The following ZNF608 variants were observed in gnomAD, a reference collection of about 807,000 sequenced individuals.
The protein encoded by ZNF608 is zinc finger protein 608, also known as renal carcinoma antigen NY-REN-36.
ZNF608 carries 12 observed loss-of-function variants against 109.0 expected under a neutral mutation model. The ratio of observed to expected loss-of-function variants is 0.11; its 90% confidence interval spans 0.07 to 0.18. The LOEUF (loss-of-function observed/expected upper bound fraction) is 0.18. Ranked by LOEUF, ZNF608 falls within the 10% of genes least tolerant of loss-of-function variation. The pLI, the probability that ZNF608 is intolerant of heterozygous loss-of-function variation, is 1.00. For synonymous variants in ZNF608, 732 were observed against 717.4 expected, an observed-to-expected ratio of 1.02 and a Z score of -0.33; for missense variants, 1,707 against 1,879.3, an observed-to-expected ratio of 0.91 and a Z score of 1.70.
intron 2 of ZNF608, among the ~76,000 whole-genome samples, chr5:124,736,251 T>A (rs1418940420): frequency 1.3e-5 from 2 of 152,276 alleles, no homozygotes; most frequent in East Asian, 3.9e-4. Context: ...AAGCACAGAT[T>A]TGATAGCATT....
At chr5:124,728,473 C>CAGT (rs1283567243) in intron 2 of ZNF608, among the ~76,000 whole-genome samples, 1 of 152,178 alleles carries the variant, frequency 6.6e-6, no homozygotes. Context: ...CAGACATGTA[C>CAGT]AGTACTCACT....
intron 3 of ZNF608, among the ~76,000 whole-genome samples, chr5:124,687,183 CAGAA>C (rs1458862985): frequency 6.6e-6 from 1 of 152,026 alleles, no homozygotes. Context: ...ACTAGAAATC[CAGAA>C]AGAACATACT....
At position 124,744,380 on chromosome 5, in the gene ZNF608, C is replaced by G; in HGVS notation, c.610G>C (p.Asp204His). ...TTCCTGGATTTCCCCGCATCCTTAT[C>G]CCGCTTGGCGCCTCGGCTGCTCTGG... The part of the protein sequence containing the change: ...KSQSSRGAKR[D>H]KDAGKSRKDK... The change falls in exon 2 of 10, where the codon GAT (aspartate) becomes CAT (histidine). Residue 204 changes from aspartate (D) to histidine (H), a missense_variant. Physicochemically the swap from Asp to His is moderately conservative, Grantham distance 81 (BLOSUM62 -1). This residue lies in a region of ZNF608 where 407 missense variants were observed against 398.7 expected (regional missense o/e 1.02). Coordinates refer to ENST00000513986, the MANE Select transcript of ZNF608 (RefSeq NM_020747.3). This position sits in a 1 kb window ranked among gnomAD's most constrained non-coding sequence, Gnocchi z 4.5. 14 of 1,614,258 alleles carry G rather than the reference C, an allele frequency of 8.7e-6. No individual in the cohort carries two copies. The highest frequency in any genetic ancestry group is 1.2e-5 in the Non-Finnish European group (14 of 1,180,050).
At chr5:124,650,204 C>T (rs1480848034) in intron 3 of ZNF608, among the ~76,000 whole-genome samples, 2 of 152,160 alleles carry the variant, frequency 1.3e-5, no homozygotes, top group Admixed American at 6.5e-5. Flanking sequence ...TAAAAATAGG[C>T]ATAGACAGGA....
At position 124,647,760 on chromosome 5, in the gene ZNF608, C is replaced by T. The variant is rs1440773926; in HGVS notation, c.2624G>A (p.Arg875His). The T allele has an allele frequency of 2.4e-5, 39 of 1,613,868 alleles. No individual in the cohort carries two copies. The highest frequency in any genetic ancestry group is 6.7e-5 in the Admixed American group (4 of 60,002). The change falls in exon 5 of 10, where the codon CGC (arginine) becomes CAC (histidine). Residue 875 changes from arginine to histidine, a missense_variant. Arg to His is a conservative substitution (Grantham distance 29). Coordinates refer to ENST00000513986, the MANE Select transcript of ZNF608 (RefSeq NM_020747.3). ...GGCCTCAGCTTTGATACTGGCCATG[C>T]GGCTCTCCTGAGACTCCGACAGTCC... is the stretch of plus-strand genomic sequence containing the variant. ...ANGLSESQESRMASIKAEADK... is the reference protein window; with the variant it reads ...ANGLSESQESHMASIKAEADK...
intron 3 of ZNF608, among the ~76,000 whole-genome samples, chr5:124,678,417 T>C (rs1293404277): frequency 6.6e-6 from 1 of 152,202 alleles, no homozygotes; most frequent in Non-Finnish European, 1.5e-5. Flanking sequence ...TAGAACCACC[T>C]GGCAGAGTTT....
intron 8 of ZNF608, among the ~76,000 whole-genome samples, chr5:124,640,153 G>A (rs73296605): frequency 0.016 from 2,507 of 152,166 alleles, 65 homozygotes; most frequent in African/African-American, 0.056. Flanking sequence ...TCACTTCCCA[G>A]TTTTGGAAAC....
intron 3 of ZNF608, among the ~76,000 whole-genome samples, chr5:124,666,748 TGTGTG>T (rs1751499155): frequency 6.7e-6 from 1 of 148,918 alleles, no homozygotes; most frequent in African/African-American, 2.6e-5. Flanking sequence ...TGTGTGTGTG[TGTGTG>T]TGTGTTTCAT....
chr5:124,646,570 A>T (rs1216817358), intron 5 of ZNF608, 109 bp downstream of exon 5: 2 of 1,366,162 alleles, frequency 1.5e-6, no homozygotes, highest in East Asian at 2.3e-5. Flanking sequence ...GAAAAAACTA[A>T]TATGGGTTTC....
intron 3 of ZNF608, among the ~76,000 whole-genome samples, chr5:124,661,809 T>G (rs7714234): frequency 0.31 from 47,396 of 152,124 alleles, 8,346 homozygotes; most frequent in African/African-American, 0.48. Flanking sequence ...CCAGCTAACC[T>G]TTCTCTGCAA....
chr5:124,652,158 CA>C (rs889743056), intron 3 of ZNF608, among the ~76,000 whole-genome samples: 2 of 152,224 alleles, frequency 1.3e-5, no homozygotes, highest in Non-Finnish European at 2.9e-5. Context: ...GAAGCTGTCA[CA>C]AAGGCTAATC....
intron 3 of ZNF608, among the ~76,000 whole-genome samples, chr5:124,675,273 T>G (rs750592779): frequency 3.3e-4 from 50 of 152,220 alleles, no homozygotes; most frequent in Non-Finnish European, 4.0e-4. Context: ...GTTAGCTAAG[T>G]GACAAATCAT....
At chr5:124,667,866 C>A (rs1751544869) in intron 3 of ZNF608, among the ~76,000 whole-genome samples, 1 of 152,094 alleles carries the variant, frequency 6.6e-6, no homozygotes, top group Non-Finnish European at 1.5e-5. Flanking sequence ...CAGTTTGTGA[C>A]AATTACCCAG....
intron 3 of ZNF608, among the ~76,000 whole-genome samples, chr5:124,694,655 T>G (rs1752769968): frequency 6.6e-6 from 1 of 152,122 alleles, no homozygotes; most frequent in African/African-American, 2.4e-5. Flanking sequence ...ATGTGCCATG[T>G]TGGCGTGCTG....
intron 2 of ZNF608, among the ~76,000 whole-genome samples, chr5:124,708,283 T>C (rs954842599): frequency 2.6e-5 from 4 of 152,198 alleles, no homozygotes; most frequent in African/African-American, 9.6e-5. Context: ...CTTTACAAAA[T>C]TGTTAAGGGA....
Position 124,744,802 on chromosome 5 carries a change from T to C in ZNF608, c.188A>G (p.Lys63Arg), listed in dbSNP as rs767670458. 1.1e-5 allele frequency: 18 copies of C among 1,614,094 alleles called. No individual in the cohort carries two copies. In the Admixed American group the frequency reaches 1.5e-4, roughly 13 times the overall value. Residue 63 changes from lysine to arginine, a missense_variant, in exon 2 of 10, where the codon AAG (lysine) becomes AGG (arginine). This residue lies in a region of ZNF608 where 407 missense variants were observed against 398.7 expected (regional missense o/e 1.02). Coordinates refer to ENST00000513986, the MANE Select transcript of ZNF608 (RefSeq NM_020747.3). This position sits in a 1 kb window ranked among gnomAD's most constrained non-coding sequence, Gnocchi z 4.5. ...ACTGGAGGCCGGACCTCCACAATCC[T>C]TGGAGTTGCTGCTACTAGTGGTGGT... ...STTTTSSSNS[K>R]DCGGPASSGA...
chr5:124,641,966 A>G (rs964565432), intron 7 of ZNF608, among the ~76,000 whole-genome samples: 3 of 152,130 alleles, frequency 2.0e-5, no homozygotes, highest in African/African-American at 7.2e-5. Flanking sequence ...ATCCTCCCAA[A>G]CCATAGTTTG....
intron 2 of ZNF608, among the ~76,000 whole-genome samples, chr5:124,707,507 T>C (rs1370148186): frequency 6.6e-6 from 1 of 152,216 alleles, no homozygotes; most frequent in Non-Finnish European, 1.5e-5. Flanking sequence ...TGTTTTACTT[T>C]GCTCAGAGCC....
At chr5:124,643,720 G>T in intron 6 of ZNF608, 37 bp from the exon 7 acceptor site, 2 of 1,593,220 alleles carry the variant, frequency 1.3e-6, no homozygotes, top group Non-Finnish European at 1.7e-6. Context: ...CAAGTTACAG[G>T]CTATATCTTT....
Sources: allele counts gnomAD v4.1 joint callset (sites outside exome capture counted in the v4.1 genomes callset), GRCh38; gene constraint gnomAD v4.1.1; regional missense constraint gnomAD v4.1.1; non-coding constraint Gnocchi (gnomAD v3.1); transcripts MANE v1.5; gene names NCBI Gene and HGNC (gene_info 2026-07-23, HGNC 2026-07-21).